The following COMMD3 variants were observed in gnomAD, a reference collection of about 807,000 sequenced individuals.
COMMD3 encodes COMM domain containing 3, also known as COMM domain-containing protein 3.
A neutral mutation model predicts 31.2 loss-of-function variants in COMMD3; 31 were observed. The observed-to-expected ratio is 0.99, with a 90% CI of 0.75 to 1.34. The LOEUF (loss-of-function observed/expected upper bound fraction) is 1.34. Among genes scored for constraint, COMMD3 ranks in the 40% most tolerant of loss-of-function variants. The pLI, the probability that COMMD3 is intolerant of heterozygous loss-of-function variation, is 0.00. For synonymous variants in COMMD3, 108 were observed against 87.3 expected (o/e 1.24, Z -1.32); for missense variants, 274 against 236.9 (o/e 1.16, Z -1.03).
intron 1 of COMMD3, 115 bp downstream of exon 1, chr10:22,316,671 T>C: frequency 7.3e-7 from 1 of 1,360,570 alleles, no homozygotes; most frequent in Non-Finnish European, 9.5e-7. Flanking sequence ...TCTCCGGGCT[T>C]TGCCCTTCGC....
rs1835933351 is a variant in COMMD3, at chr10:22,319,993, T to A, written c.583T>A (p.Leu195Met). Residue 195 changes from leucine to methionine, a missense_variant, in exon 8 of 8, where the codon TTG (leucine) becomes ATG (methionine). Transcript: ENST00000376836. ...GAAAAGCCTGGAAAGAGCAACTCAGTTGTAACTTGGGGAAGTTAACGATCC... is the reference window on the plus strand; with the variant it reads ...GAAAAGCCTGGAAAGAGCAACTCAGATGTAACTTGGGGAAGTTAACGATCC... Reference protein sequence around the residue: ...ASKSLERATQL With the variant: ...ASKSLERATQM The A allele has an allele frequency of 1.2e-6, 2 of 1,614,158 alleles. No individual in the cohort carries two copies. Among genetic ancestry groups the A allele is most frequent in the Non-Finnish European group, 8.5e-7 (1 of 1,179,998 alleles).
chr10:22,318,210 TTTTAC>T (rs771805337), intron 3 of COMMD3, 42 bp downstream of exon 3: 266 of 1,593,362 alleles, frequency 1.7e-4, no homozygotes, highest in Non-Finnish European at 2.2e-4. Flanking sequence ...ACTATTTTTC[TTTTAC>T]TTTGTTTGTA....
rs1835879668 is a variant in COMMD3 at position 22,317,866 on chromosome 10, G to A, written c.140-18G>A. 1.2e-6 allele frequency: 2 copies of A among 1,611,156 alleles called. No homozygotes were observed. Among genetic ancestry groups the A allele is most frequent in the Non-Finnish European group, 1.7e-6 (2 of 1,178,734 alleles). On this transcript the variant is annotated intron_variant, in intron 1 of 7. Coordinates refer to ENST00000376836, the MANE Select transcript of COMMD3 (RefSeq NM_012071.4). ...GAATTTATTATCATAGGCATCACTG[G>A]AAGTTAATTTATTTTAGATCATCCA...
Position 22,318,103 on chromosome 10 carries a change from A to T in COMMD3, c.252-2A>T, listed in dbSNP as rs1037692557. ...CTTTGGCTTTTTTTTTCTTTCTTCT[A>T]GCACTTATCTAGAAGACTGTAAATT... is the stretch of plus-strand genomic sequence containing the variant. On this transcript the variant is annotated splice_acceptor_variant, in intron 2 of 7. Coordinates refer to ENST00000376836, the MANE Select transcript of COMMD3 (RefSeq NM_012071.4). LOFTEE classifies it high-confidence loss of function. 3 of 1,612,020 alleles carry T rather than the reference A, an allele frequency of 1.9e-6. No homozygotes were observed. The highest frequency in any genetic ancestry group is 1.3e-5 in the African/African-American group (1 of 74,664).
intron 4 of COMMD3, 93 bp downstream of exon 4, chr10:22,318,399 A>T: frequency 1.3e-6 from 2 of 1,517,218 alleles, no homozygotes; most frequent in South Asian, 2.5e-5. Context: ...CGGGATCTTG[A>T]CCCAAAGAAA....
chr10:22,318,101 C>G lies in COMMD3; in HGVS notation c.252-4C>G, dbSNP rs761289454. 17 of 1,611,132 alleles carry G rather than the reference C, an allele frequency of 1.1e-5. No homozygotes were observed. Among genetic ancestry groups the G allele is most frequent in the Middle Eastern group, 1.7e-4 (1 of 6,050 alleles). On this transcript the variant is annotated splice_polypyrimidine_tract_variant and splice_region_variant and intron_variant, in intron 2 of 7. Coordinates refer to ENST00000376836, the MANE Select transcript of COMMD3 (RefSeq NM_012071.4). ...AACTTTGGCTTTTTTTTTCTTTCTT[C>G]TAGCACTTATCTAGAAGACTGTAAA...
rs1835908057 is a variant in COMMD3 at position 22,318,998 on chromosome 10, T to G, written c.508T>G (p.Cys170Gly). 6.2e-7 allele frequency: 1 copy of G among 1,611,682 alleles called. No individual in the cohort carries two copies. The highest frequency in any genetic ancestry group is 1.3e-5 in the African/African-American group (1 of 74,672). Residue 170 changes from cysteine (C) to glycine (G), a missense_variant, in exon 7 of 8, where the codon TGC becomes GGC. Transcript: ENST00000376836. ...ATCCTATCCAGAGATTAGTTTTAGT[T>G]GCAGCATGGAACAATTACAGGTACA... ...SPSYPEISFS[C>G]SMEQLQDLVG... is the part of the protein sequence containing the mutation.
At chr10:22,318,192 TTAAC>T (rs1314704557) in intron 3 of COMMD3, 24 bp downstream of exon 3, 5 of 1,599,524 alleles carry the variant, frequency 3.1e-6, no homozygotes, top group Middle Eastern at 1.7e-4. Flanking sequence ...AAATTTTTAA[TTAAC>T]AGTACTATTT....
At position 22,317,909 on chromosome 10, in the gene COMMD3, C is replaced by T. The variant is rs1195143516; in HGVS notation, c.165C>T (p.Asp55=). 11 of 1,613,852 alleles carry T rather than the reference C, an allele frequency of 6.8e-6. No individual in the cohort carries two copies. Among genetic ancestry groups the T allele is most frequent in the African/African-American group, 2.7e-5 (2 of 74,898 alleles). The change falls in exon 2 of 8, where the codon GAC becomes GAT. Residue 55 remains aspartate (D), a synonymous_variant. Transcript: ENST00000376836. ...VLDHPDLKHI[D]PVVLKHCHAA... ...ATCATCCAGACTTGAAACATATCGA[C>T]CCAGTGGTTTTAAAACATTGTCATG... is the stretch of plus-strand genomic sequence containing the variant.
Position 22,318,166 on chromosome 10 carries a change from C to T in COMMD3, c.313C>T (p.Gln105Ter), listed in dbSNP as rs1366421212. 1.2e-6 allele frequency: 2 copies of T among 1,611,174 alleles called. No individual in the cohort carries two copies. Among genetic ancestry groups the T allele is most frequent in the Non-Finnish European group, 1.7e-6 (2 of 1,179,318 alleles). ...AATAGAACTGTTTTGCACGGAATAT[C>T]AGGTTACTTACTTTAAAATTTTTAA... ...ERIELFCTEY[Q>*]NNKNSLEILL... The change falls in exon 3 of 8, where the codon CAG (glutamine) becomes TAG (stop). Residue 105 changes from glutamine to a stop codon, truncating the protein, a stop_gained and splice_region_variant. Transcript: ENST00000376836. LOFTEE classifies it high-confidence loss of function.
Position 22,316,447 on chromosome 10 carries a change from C to T in COMMD3, c.30C>T (p.Gly10=), listed in dbSNP as rs1835850147. 1.3e-6 allele frequency: 2 copies of T among 1,551,092 alleles called. No individual in the cohort carries two copies. The highest frequency in any genetic ancestry group is 2.0e-5 in the Admixed American group (1 of 51,072). ...AGCTCTCGGAGTCTGTGCAGAAAGG[C>T]TTCCAGATGCTGGCGGATCCCCGCT... is the stretch of plus-strand genomic sequence containing the variant. MELSESVQK[G]FQMLADPRSF... is the part of the protein sequence containing the mutation. The change falls in exon 1 of 8, where the codon GGC becomes GGT. Residue 10 remains glycine, a synonymous_variant. Transcript: ENST00000376836.
rs1352741025 is a variant in COMMD3, at chr10:22,318,177, C to G, written c.315+9C>G. 1.9e-5 allele frequency: 31 copies of G among 1,605,476 alleles called. No individual in the cohort carries two copies. The highest frequency in any genetic ancestry group is 2.5e-5 in the Non-Finnish European group (29 of 1,177,936). ...TTTGCACGGAATATCAGGTTACTTA[C>G]TTTAAAATTTTTAATTAACAGTACT... On this transcript the variant is annotated intron_variant, in intron 3 of 7. Coordinates refer to ENST00000376836, the MANE Select transcript of COMMD3 (RefSeq NM_012071.4).
chr10:22,318,626 G>A (rs776112830), intron 4 of COMMD3, 27 bp from the exon 5 acceptor site: 4 of 1,593,328 alleles, frequency 2.5e-6, no homozygotes, highest in African/African-American at 1.3e-5. Flanking sequence ...AGGAGACTAT[G>A]TACGAAGTTA....
At chr10:22,317,853 A>G (rs773252260) in intron 1 of COMMD3, 31 bp from the exon 2 acceptor site, 7 of 1,606,684 alleles carry the variant, frequency 4.4e-6, no homozygotes, top group East Asian at 2.2e-5. Flanking sequence ...ATTTATTATC[A>G]TAGGCATCAC....
chr10:22,319,173 AGT>A (rs1835911862), intron 7 of COMMD3, 155 bp downstream of exon 7: 1 of 778,330 alleles, frequency 1.3e-6, no homozygotes, highest in Non-Finnish European at 1.9e-6. Context: ...CATCAAAAGT[AGT>A]ATTTTAAGAT....
rs773794310 is a variant in COMMD3, at chr10:22,317,974, G to C, written c.230G>C (p.Arg77Pro). 1.2e-6 allele frequency: 2 copies of C among 1,613,846 alleles called. No homozygotes were observed. Among genetic ancestry groups the C allele is most frequent in the East Asian group, 4.5e-5 (2 of 44,844 alleles). Reference sequence around the variant, plus strand: ...TACATACTAGAGGCAGGAAAGCACCGAGCTGACAAGTCAACTCTAAGGTAC... The same window carrying C: ...TACATACTAGAGGCAGGAAAGCACCCAGCTGACAAGTCAACTCTAAGGTAC... The part of the protein sequence containing the change: ...ATYILEAGKH[R>P]ADKSTLSTYL... The change falls in exon 2 of 8, where the codon CGA (arginine) becomes CCA (proline). Residue 77 changes from arginine (R) to proline (P), a missense_variant. By Grantham distance (103) the Arg-to-Pro change is moderately radical (BLOSUM62 -2). Coordinates refer to ENST00000376836, the MANE Select transcript of COMMD3 (RefSeq NM_012071.4).
At position 22,320,264 on chromosome 10, in the gene COMMD3, A is replaced by C. The variant is rs899648250; in HGVS notation, c.*266A>C. On this transcript the variant is annotated 3_prime_UTR_variant, in exon 8 of 8. Transcript: ENST00000376836. Reference sequence around the variant, plus strand: ...TTTCAAGTCTTCTGAAAGGAAGTAGACAGTATTACACCCTGAATAAATAAG... The same window carrying C: ...TTTCAAGTCTTCTGAAAGGAAGTAGCCAGTATTACACCCTGAATAAATAAG... The C allele has an allele frequency of 4.0e-6, 3 of 755,820 alleles. No homozygotes were observed. The highest frequency in any genetic ancestry group is 5.9e-6 in the Non-Finnish European group (3 of 509,218). 46.8% of individuals were successfully genotyped at this position (755,820 alleles called of 1,614,324 possible).
In COMMD3 at chr10:22,319,922, G is replaced by C. The variant is rs780300699; in HGVS notation, c.529-17G>C. 1.2e-6 allele frequency: 2 copies of C among 1,613,710 alleles called. No homozygotes were observed. Among genetic ancestry groups the C allele is most frequent in the East Asian group, 2.2e-5 (1 of 44,880 alleles). Reference sequence around the variant, plus strand: ...TGTTTTATCCTAAAAACGTGGTATTGTATACACGTCTTTTAGGACTTGGTG... The same window carrying C: ...TGTTTTATCCTAAAAACGTGGTATTCTATACACGTCTTTTAGGACTTGGTG... On this transcript the variant is annotated splice_polypyrimidine_tract_variant and intron_variant, in intron 7 of 7. Coordinates refer to ENST00000376836, the MANE Select transcript of COMMD3 (RefSeq NM_012071.4).
Position 22,320,145 on chromosome 10 carries a change from C to CT in COMMD3, c.*150dup, listed in dbSNP as rs914638173. Reference sequence around the variant, plus strand: ...TTTATACCATTCATCAATTTTGACACTTTAAAAACGTGTGAAAGGGTTAAG... The same window carrying CT: ...TTTATACCATTCATCAATTTTGACACTTTTAAAAACGTGTGAAAGGGTTAAG... On this transcript the variant is annotated 3_prime_UTR_variant, in exon 8 of 8. Transcript: ENST00000376836. 2.6e-6 allele frequency: 4 copies of CT among 1,544,436 alleles called. No individual in the cohort carries two copies. The Admixed American group carries it at 6.0e-5, about 23-fold the overall frequency.
Sources: allele counts gnomAD v4.1 joint callset, GRCh38; gene constraint gnomAD v4.1.1; transcripts MANE v1.5; gene names NCBI Gene and HGNC (gene_info 2026-07-23, HGNC 2026-07-21).